Variants in SLC25A26 observed in about 807,000 individuals in gnomAD.
SLC25A26 encodes mitochondrial S-adenosylmethionine carrier protein.
In SLC25A26, 36 loss-of-function variants were observed where a neutral mutation model predicts 37.8. That is an observed-to-expected ratio of 0.95 (90% CI 0.73 to 1.26). SLC25A26 has a LOEUF of 1.26. Ranked by LOEUF, SLC25A26 falls within the 50% of genes most tolerant of loss-of-function variation. The pLI is 0.00. For missense variants in SLC25A26, 390 were observed against 331.1 expected (o/e 1.18, Z -1.38); for synonymous variants, 129 against 122.5 (o/e 1.05, Z -0.35).
intron 3 of SLC25A26, among the ~76,000 whole-genome samples, chr3:66,256,282 T>G (rs996917349): frequency 6.6e-6 from 1 of 152,210 alleles, no homozygotes; most frequent in East Asian, 1.9e-4. Context: ...GTAAGCTGTT[T>G]AATCTGTTTT....
At chr3:66,265,708 T>C (rs1265463361) in intron 5 of SLC25A26, among the ~76,000 whole-genome samples, 1 of 152,230 alleles carries the variant, frequency 6.6e-6, no homozygotes, top group Non-Finnish European at 1.5e-5. Context: ...GCAACCTAGT[T>C]GGTGTAGATC....
intron 9 of SLC25A26, among the ~76,000 whole-genome samples, chr3:66,376,964 C>G (rs751285229): frequency 2.6e-5 from 4 of 152,106 alleles, no homozygotes; most frequent in Admixed American, 6.5e-5. Context: ...GCTACATAAT[C>G]ATCCACTGTA....
intron 3 of SLC25A26, among the ~76,000 whole-genome samples, chr3:66,256,665 G>A (rs994736014): frequency 6.6e-6 from 1 of 152,120 alleles, no homozygotes; most frequent in Non-Finnish European, 1.5e-5. Context: ...GGAGGTTGAG[G>A]CAGGTGGATC....
chr3:66,278,156 A>G (rs969381240), intron 5 of SLC25A26, among the ~76,000 whole-genome samples: 2 of 152,168 alleles, frequency 1.3e-5, no homozygotes, highest in Non-Finnish European at 2.9e-5. Context: ...AAGCCAGCAT[A>G]TATGTGAACT....
At chr3:66,363,778 TGTC>T (rs1349071030) in intron 7 of SLC25A26, among the ~76,000 whole-genome samples, 2 of 152,186 alleles carry the variant, frequency 1.3e-5, no homozygotes, top group African/African-American at 2.4e-5. Context: ...TTGTTGTTGT[TGTC>T]GTGATTGAGA....
chr3:66,352,081 CAAAAATTAAAAAA>C (rs2076465633), intron 6 of SLC25A26, among the ~76,000 whole-genome samples: 1 of 151,430 alleles, frequency 6.6e-6, no homozygotes, highest in African/African-American at 2.4e-5. Flanking sequence ...TCCATCTCTA[CAAAAATTAAAAAA>C]AAAAATTATC....
intron 6 of SLC25A26, among the ~76,000 whole-genome samples, chr3:66,349,176 T>C (rs532564977): frequency 6.6e-6 from 1 of 152,358 alleles, no homozygotes; most frequent in East Asian, 1.9e-4. Flanking sequence ...TAGATGACAA[T>C]GCTAAGATTT....
At chr3:66,298,028 A>G (rs967323016) in intron 5 of SLC25A26, among the ~76,000 whole-genome samples, 2 of 152,226 alleles carry the variant, frequency 1.3e-5, no homozygotes, top group Non-Finnish European at 2.9e-5. Flanking sequence ...CCCTCCACGA[A>G]TAGCAGCTGC....
At chr3:66,332,672 A>AGGG (rs2076004870) in intron 5 of SLC25A26, among the ~76,000 whole-genome samples, 1 of 152,078 alleles carries the variant, frequency 6.6e-6, no homozygotes, top group Non-Finnish European at 1.5e-5. Flanking sequence ...TTGGCCTCCT[A>AGGG]AAGTGCTAGG....
chr3:66,215,739 T>A (rs1440382968), intron 1 of SLC25A26, among the ~76,000 whole-genome samples: 2 of 152,248 alleles, frequency 1.3e-5, no homozygotes, highest in African/African-American at 4.8e-5. Context: ...CATTTGACTT[T>A]CTTTCCATTT....
intron 5 of SLC25A26, among the ~76,000 whole-genome samples, chr3:66,298,133 A>T (rs1275254763): frequency 6.6e-6 from 1 of 152,216 alleles, no homozygotes; most frequent in Non-Finnish European, 1.5e-5. Context: ...TTTGTGTTAT[A>T]CACCCTCTGC....
intron 1 of SLC25A26, among the ~76,000 whole-genome samples, chr3:66,161,153 T>G (rs1249787064): frequency 6.6e-6 from 1 of 151,168 alleles, no homozygotes; most frequent in Non-Finnish European, 1.5e-5. Flanking sequence ...ATTTTTCGGT[T>G]GTTGTTGTAA....
chr3:66,237,410 A>C (rs1428550478), intron 2 of SLC25A26, among the ~76,000 whole-genome samples: 2 of 152,210 alleles, frequency 1.3e-5, no homozygotes, highest in Admixed American at 1.3e-4. Flanking sequence ...GGGTATTAGG[A>C]GTTTTAATAA....
At chr3:66,313,675 A>C (rs1413745798) in intron 5 of SLC25A26, among the ~76,000 whole-genome samples, 14 of 152,186 alleles carry the variant, frequency 9.2e-5, no homozygotes, top group Admixed American at 9.2e-4. Flanking sequence ...TGGTAGTTTA[A>C]TGGAAATAGC....
At chr3:66,365,552 G>C (rs941320637) in intron 7 of SLC25A26, among the ~76,000 whole-genome samples, 2 of 152,124 alleles carry the variant, frequency 1.3e-5, no homozygotes, top group Admixed American at 1.3e-4. Flanking sequence ...TGGTACTCTA[G>C]TATATTTTGA....
At chr3:66,252,878 CT>C (rs1349856895) in intron 3 of SLC25A26, among the ~76,000 whole-genome samples, 1 of 151,930 alleles carries the variant, frequency 6.6e-6, no homozygotes, top group Non-Finnish European at 1.5e-5. Context: ...CCAGGAGCAC[CT>C]CTGTTTTCTT....
chr3:66,189,363 T>A (rs2070892160), intron 1 of SLC25A26, among the ~76,000 whole-genome samples: 1 of 152,054 alleles, frequency 6.6e-6, no homozygotes, highest in African/African-American at 2.4e-5. Flanking sequence ...ATGCTGATCC[T>A]AATACTGATT....
chr3:66,338,286 C>G (rs2076134848), intron 5 of SLC25A26, among the ~76,000 whole-genome samples: 1 of 152,012 alleles, frequency 6.6e-6, no homozygotes, highest in Non-Finnish European at 1.5e-5. Flanking sequence ...GCTGTTGTGA[C>G]ATTAATGTAT....
chr3:66,207,103 C>T (rs1264583398), intron 1 of SLC25A26, among the ~76,000 whole-genome samples: 3 of 151,766 alleles, frequency 2.0e-5, no homozygotes, highest in African/African-American at 4.8e-5. Flanking sequence ...AAACCTAATA[C>T]GATATTTTCT....
Sources: gnomAD v4.1 joint callset for allele counts (sites outside exome capture counted in the v4.1 genomes callset) on GRCh38, gnomAD v4.1.1 for gene constraint, MANE v1.5 for transcripts, NCBI Gene and HGNC (gene_info 2026-07-23, HGNC 2026-07-21) for gene names.